GSE1: variants seen among roughly 807,000 people sequenced by gnomAD.
The protein encoded by GSE1 is Gse1 coiled-coil protein.
Under a neutral mutation model 112.6 loss-of-function variants are expected in GSE1, and 32 were observed. The ratio of observed to expected loss-of-function variants is 0.28; its 90% CI spans 0.21 to 0.38. The LOEUF (loss-of-function observed/expected upper bound fraction) is 0.38, where lower values mean the gene tolerates loss of function less well. Among genes scored for constraint, GSE1 ranks in the 10% least tolerant of loss-of-function variants. The pLI, the probability that GSE1 is intolerant of heterozygous loss-of-function variation, is 1.00. For missense variants in GSE1, 2,348 were observed against 1,699.2 expected (o/e 1.38, Z -6.71); for synonymous variants, 1,115 against 735.6 (o/e 1.52, Z -8.35).
chr16:85,615,239 C>G (rs1001809584), intron 1 of GSE1, among the ~76,000 whole-genome samples: 3 of 152,154 alleles, frequency 2.0e-5, no homozygotes, highest in Non-Finnish European at 1.5e-5. Context: ...GCGCAGGCTC[C>G]GACGGCGAAG....
At chr16:85,369,553 C>G (rs2047252067) in intron 2 of GSE1, among the ~76,000 whole-genome samples, 1 of 152,128 alleles carries the variant, frequency 6.6e-6, no homozygotes, top group Admixed American at 6.5e-5. Context: ...ACCACCCACT[C>G]CTGCCTCCCT....
At chr16:85,333,769 A>G (rs1377258003) in intron 1 of GSE1, among the ~76,000 whole-genome samples, 1 of 152,034 alleles carries the variant, frequency 6.6e-6, no homozygotes, top group African/African-American at 2.4e-5. Context: ...AGCACCCGCC[A>G]TCTCTGCGTG....
intron 2 of GSE1, among the ~76,000 whole-genome samples, chr16:85,391,888 G>A (rs563562444): frequency 3.3e-5 from 5 of 152,222 alleles, no homozygotes; most frequent in Admixed American, 1.3e-4. Context: ...ACGTGTTCCC[G>A]GGCTGCCCTG....
intron 1 of GSE1, among the ~76,000 whole-genome samples, chr16:85,346,104 G>A (rs1408619544): frequency 6.7e-6 from 1 of 149,588 alleles, no homozygotes; most frequent in Non-Finnish European, 1.5e-5. Flanking sequence ...GGGCGGGCGG[G>A]TGGATGATGG....
At chr16:85,424,360 C>T (rs746272694) in intron 2 of GSE1, among the ~76,000 whole-genome samples, 1 of 152,170 alleles carries the variant, frequency 6.6e-6, no homozygotes, top group Admixed American at 6.5e-5. Flanking sequence ...GCCCGGGGCT[C>T]ATGGGGAGGC....
At chr16:85,409,407 C>T (rs74220000) in intron 2 of GSE1, among the ~76,000 whole-genome samples, 1 of 31,264 alleles carries the variant, frequency 3.2e-5, no homozygotes. Flanking sequence ...ACACTCAGGG[C>T]CCCCCTGGAT....
At chr16:85,632,991 G>A (rs550552064) in intron 1 of GSE1, among the ~76,000 whole-genome samples, 4 of 150,046 alleles carry the variant, frequency 2.7e-5, no homozygotes, top group African/African-American at 7.4e-5. Flanking sequence ...CCAGGTGGCT[G>A]CCCCTGGGCT....
At chr16:85,325,052 C>T (rs538419972) in intron 1 of GSE1, among the ~76,000 whole-genome samples, 4 of 152,264 alleles carry the variant, frequency 2.6e-5, no homozygotes, top group East Asian at 1.9e-4. Context: ...GCTACAACCT[C>T]GACCTCCTGG....
At chr16:85,555,804 GTT>G, upstream of GSE1, 6 of 813,576 alleles carry the variant, frequency 7.4e-6, no homozygotes, top group Non-Finnish European at 8.9e-6. Context: ...CCTGGGGGCT[GTT>G]TTTTTTTTCT....
intron 2 of GSE1, among the ~76,000 whole-genome samples, chr16:85,411,838 G>GC (rs758890091): frequency 1.5e-4 from 1 of 6,484 alleles, no homozygotes; most frequent in African/African-American, 2.9e-4. Flanking sequence ...TACACTCAGG[G>GC]CCCCCTGGAT....
At chr16:85,439,762 GACAC>G (rs1398709347) in intron 2 of GSE1, among the ~76,000 whole-genome samples, 1 of 150,836 alleles carries the variant, frequency 6.6e-6, no homozygotes, top group Admixed American at 6.6e-5. Flanking sequence ...CACACACACA[GACAC>G]ACACACAAAA....
intron 2 of GSE1, among the ~76,000 whole-genome samples, chr16:85,399,035 GAC>G (rs1360246720): frequency 2.0e-5 from 3 of 152,074 alleles, no homozygotes; most frequent in East Asian, 1.9e-4. Flanking sequence ...GACATTGGCA[GAC>G]ACATATGCAT....
intron 1 of GSE1, among the ~76,000 whole-genome samples, chr16:85,338,861 G>A (rs1332934556): frequency 2.6e-5 from 4 of 152,236 alleles, no homozygotes; most frequent in Non-Finnish European, 4.4e-5. Flanking sequence ...GACAGGTGCT[G>A]CTGCCGGTGG....
intron 1 of GSE1, among the ~76,000 whole-genome samples, chr16:85,221,251 C>T (rs923347410): frequency 7.9e-5 from 12 of 152,112 alleles, no homozygotes; most frequent in African/African-American, 2.2e-4. Flanking sequence ...CCCCACTGTG[C>T]GGCTGGTTTG....
chr16:85,636,136 C>G (rs949983289), intron 2 of GSE1, among the ~76,000 whole-genome samples: 4 of 152,258 alleles, frequency 2.6e-5, no homozygotes, highest in African/African-American at 7.2e-5. Context: ...CAGCTGCAAC[C>G]TGGGCACTGG....
intron 1 of GSE1, among the ~76,000 whole-genome samples, chr16:85,199,368 G>A (rs2143535344): frequency 6.6e-6 from 1 of 152,316 alleles, no homozygotes. Flanking sequence ...TTACAGGCGA[G>A]AGCCACAGTA....
upstream of GSE1, chr16:85,613,091 C>A (rs1156373494): frequency 2.5e-6 from 2 of 786,994 alleles, no homozygotes; most frequent in African/African-American, 1.9e-5. Flanking sequence ...GATCCGGGCG[C>A]CCGTCGGTGC....
intron 1 of GSE1, among the ~76,000 whole-genome samples, chr16:85,262,532 T>C (rs886346501): frequency 5.9e-5 from 9 of 152,150 alleles, no homozygotes; most frequent in Admixed American, 5.9e-4. Context: ...CCCACATCGG[T>C]GATTTCTAGG....
At chr16:85,241,650 G>A (rs74031740) in intron 1 of GSE1, among the ~76,000 whole-genome samples, 26,862 of 152,088 alleles carry the variant, frequency 0.18, 2,696 homozygotes, top group East Asian at 0.24. Flanking sequence ...GTAAGCCACC[G>A]AACAGGGATT....
Sources: allele counts gnomAD v4.1 joint callset (sites outside exome capture counted in the v4.1 genomes callset), GRCh38; gene constraint gnomAD v4.1.1; transcripts MANE v1.5; gene names NCBI Gene and HGNC (gene_info 2026-07-23, HGNC 2026-07-21).